The following MROH1 variants were observed in gnomAD, a reference collection of about 807,000 sequenced individuals.
MROH1 encodes the protein maestro heat-like repeat-containing protein family member 1.
In MROH1, 117 loss-of-function variants were observed where a neutral mutation model predicts 116.5. The observed-to-expected ratio is 1.00, with a 90% CI of 0.86 to 1.17. The LOEUF (loss-of-function observed/expected upper bound fraction) is 1.17, where lower values mean the gene tolerates loss of function less well. Ranked by LOEUF, MROH1 falls within the 50% of genes most tolerant of loss-of-function variation. The pLI is 0.00. For missense variants in MROH1, 1,873 were observed against 1,338.5 expected (o/e 1.40, Z -6.23); for synonymous variants, 921 against 583.9 (o/e 1.58, Z -8.32).
At chr8:144,206,760 C>T (rs911065144) in intron 12 of MROH1, among the ~76,000 whole-genome samples, 3 of 146,780 alleles carry the variant, frequency 2.0e-5, no homozygotes, top group East Asian at 2.3e-4. Context: ...TTGCCAGACA[C>T]GGTGGCTCAC....
intron 3 of MROH1, among the ~76,000 whole-genome samples, chr8:144,166,640 G>A (rs1820902942): frequency 6.6e-6 from 1 of 152,084 alleles, no homozygotes. Context: ...CGAGAGGCCC[G>A]GAATGGCACT....
chr8:144,218,691 TC>T (rs1835871049), intron 12 of MROH1, among the ~76,000 whole-genome samples: 3 of 48,198 alleles, frequency 6.2e-5, no homozygotes, highest in Admixed American at 2.2e-4. Context: ...CCCTCCCCTC[TC>T]TCCTCCCCTC....
chr8:144,227,172 C>A (rs1239809539), intron 14 of MROH1, among the ~76,000 whole-genome samples: 3 of 152,196 alleles, frequency 2.0e-5, no homozygotes, highest in Non-Finnish European at 4.4e-5. Context: ...CATAGAGCAT[C>A]ATGTCTTCTT....
At chr8:144,242,923 C>G (rs1433471806) in intron 24 of MROH1, among the ~76,000 whole-genome samples, 5 of 152,194 alleles carry the variant, frequency 3.3e-5, no homozygotes, top group African/African-American at 4.8e-5. Context: ...GGAACCTCCT[C>G]TGGCTCTGCT....
Position 144,250,241 on chromosome 8 carries a change from C to A in MROH1, c.3303C>A (p.Ser1101=). 1.3e-6 allele frequency: 1 copy of A among 768,366 alleles called. No homozygotes were observed. Among genetic ancestry groups the A allele is most frequent in the Admixed American group, 1.7e-5 (1 of 58,710 alleles). 47.6% of individuals were successfully genotyped at this position (768,366 alleles called of 1,614,324 possible). Residue 1101 remains serine, a synonymous_variant, in exon 33 of 44, where the codon TCC becomes TCA. Transcript: ENST00000326134. ...CCGAGATCGTGAGCGTCCTGCGCTC[C>A]AAGCTTCAGGAGGCCCAGGGAGAGC... ...KVPEIVSVLR[S]KLQEAQGEHV... is the part of the protein sequence containing the mutation.
chr8:144,217,551 G>T (rs142381824), intron 12 of MROH1, among the ~76,000 whole-genome samples: 1 of 152,136 alleles, frequency 6.6e-6, no homozygotes, highest in Non-Finnish European at 1.5e-5. Flanking sequence ...GCCCCTCCAC[G>T]GCAGTCACTG....
intron 4 of MROH1, among the ~76,000 whole-genome samples, chr8:144,170,420 A>G (rs575787198): frequency 1.5e-3 from 230 of 152,222 alleles, no homozygotes; most frequent in Admixed American, 2.7e-3. Flanking sequence ...CTTCCCAGGG[A>G]CTTTCCCTGC....
In MROH1 at chr8:144,168,315, G is replaced by T. The variant is rs1363208200; in HGVS notation, c.43G>T (p.Asp15Tyr). Residue 15 changes from aspartate (D) to tyrosine (Y), a missense_variant, in exon 4 of 44, where the codon GAC becomes TAC. Coordinates refer to ENST00000326134, the MANE Select transcript of MROH1 (RefSeq NM_032450.3). Reference protein sequence around the residue: ...SMKKLASTLLDAITDKDPLVQ... With the variant: ...SMKKLASTLLYAITDKDPLVQ... ...TGCAGAGCTGGCCTCCACCCTGCTG[G>T]ACGCCATCACCGATAAGGACCCCCT... 1 of 1,606,852 alleles carries T rather than the reference G, an allele frequency of 6.2e-7. No individual in the cohort carries two copies.
At position 144,180,895 on chromosome 8, in the gene MROH1, A is replaced by T. The variant is rs1825454954; in HGVS notation, c.562+372A>T. 1.3e-5 allele frequency among the ~76,000 whole-genome samples: 2 copies of T among 152,002 alleles called. No individual in the cohort carries two copies. Among genetic ancestry groups the T allele is most frequent in the South Asian group, 4.2e-4 (2 of 4,814 alleles). Reference sequence around the variant, plus strand: ...CCCAGGACCCAGGGGATGGGGGCACATTCATTCACCCCCACCCTCTGCCAG... The same window carrying T: ...CCCAGGACCCAGGGGATGGGGGCACTTTCATTCACCCCCACCCTCTGCCAG... On this transcript the variant is annotated intron_variant, in intron 7 of 43. Coordinates refer to ENST00000326134, the MANE Select transcript of MROH1 (RefSeq NM_032450.3). The surrounding 1 kb of genome is among the most constrained non-coding windows in gnomAD (Gnocchi z 7.4).
At position 144,258,484 on chromosome 8, in the gene MROH1, G is replaced by A. The variant is rs932344030; in HGVS notation, c.3792-293G>A. 2.2e-4 allele frequency among the ~76,000 whole-genome samples: 33 copies of A among 152,260 alleles called. No homozygotes were observed. The East Asian group carries it at 4.8e-3, about 22-fold the overall frequency. ...GTCTGGGTGTCCGGAAAGGAAGGCC[G>A]GTGCAGCCAGAGGGCTTTGCCTGTG... On this transcript the variant is annotated intron_variant, in intron 35 of 43. Coordinates refer to ENST00000326134, the MANE Select transcript of MROH1 (RefSeq NM_032450.3).
intron 12 of MROH1, among the ~76,000 whole-genome samples, chr8:144,209,820 C>T (rs1833691950): frequency 6.7e-6 from 1 of 148,632 alleles, no homozygotes; most frequent in African/African-American, 2.5e-5. Context: ...GTGAGAGGAT[C>T]ACCTGAGCCC....
intron 22 of MROH1, among the ~76,000 whole-genome samples, chr8:144,241,918 A>G (rs1841062428): frequency 6.6e-6 from 1 of 152,144 alleles, no homozygotes; most frequent in Non-Finnish European, 1.5e-5. Flanking sequence ...TGGTCCCTCT[A>G]TTTCCTGTCT....
Position 144,244,256 on chromosome 8 carries a change from G to A in MROH1, c.2590G>A (p.Ala864Thr). ...GCCAGCGCTGGACGAGCAGGCCCGG[G>A]CGGATGTGATCCATGGCTGCCTGCA... Reference protein sequence around the residue: ...VEPALDEQARADVIHGCLHSI... With the variant: ...VEPALDEQARTDVIHGCLHSI... The change falls in exon 27 of 44, where the codon GCG (alanine) becomes ACG (threonine). Residue 864 changes from alanine to threonine, a missense_variant. Coordinates refer to ENST00000326134, the MANE Select transcript of MROH1 (RefSeq NM_032450.3). 1 of 718,454 alleles carries A rather than the reference G, an allele frequency of 1.4e-6. No individual in the cohort carries two copies. The allele number at this position is 718,454 out of a possible 1,614,324, so 44.5% of individuals were successfully genotyped here.
At chr8:144,214,846 C>T (rs1834914240) in intron 12 of MROH1, among the ~76,000 whole-genome samples, 1 of 152,126 alleles carries the variant, frequency 6.6e-6, no homozygotes, top group South Asian at 2.1e-4. Context: ...ATCACAGGGT[C>T]CCACAATAGG....
At chr8:144,197,272 T>A (rs1216521403) in intron 10 of MROH1, among the ~76,000 whole-genome samples, 1 of 152,132 alleles carries the variant, frequency 6.6e-6, no homozygotes, top group African/African-American at 2.4e-5. Context: ...CTTCCAAGGC[T>A]GTTCATTCAT....
intron 14 of MROH1, among the ~76,000 whole-genome samples, chr8:144,234,714 C>T (rs1588397567): frequency 1.4e-5 from 2 of 147,046 alleles, no homozygotes; most frequent in East Asian, 4.0e-4. Context: ...AATGGGGTTT[C>T]ACCATGTTGG....
intron 10 of MROH1, among the ~76,000 whole-genome samples, chr8:144,198,461 A>G (rs933910993): frequency 1.3e-5 from 2 of 152,172 alleles, no homozygotes; most frequent in African/African-American, 4.8e-5. Context: ...CTCTGTACTC[A>G]GGCTGGAGTG....
rs1024461881 is a variant in MROH1 at position 144,259,293 on chromosome 8, C to T, written c.3983C>T (p.Ala1328Val). The T allele has an allele frequency of 4.2e-6, 3 of 714,972 alleles. No individual in the cohort carries two copies. Among genetic ancestry groups the T allele is most frequent in the African/African-American group, 1.7e-5 (1 of 57,170 alleles). The allele number at this position is 714,972 out of a possible 1,614,324, so 44.3% of individuals were successfully genotyped here. Residue 1328 changes from alanine to valine, a missense_variant, in exon 37 of 44, where the codon GCA (alanine) becomes GTA (valine). Coordinates refer to ENST00000326134, the MANE Select transcript of MROH1 (RefSeq NM_032450.3). ...CTCCCCCTGGTGCTGAAGACGCTGG[C>T]ATGCACACACAGCAGTGCGTATGAG... ...PRLPLVLKTL[A>V]CTHSSAYENQ...
At chr8:144,217,446 C>T (rs1200821549) in intron 12 of MROH1, among the ~76,000 whole-genome samples, 3 of 152,194 alleles carry the variant, frequency 2.0e-5, no homozygotes, top group Non-Finnish European at 2.9e-5. Context: ...CTCTGAAAGA[C>T]CCCAAAATCT....
Sources: gnomAD v4.1 joint callset for allele counts (sites outside exome capture counted in the v4.1 genomes callset) on GRCh38, gnomAD v4.1.1 for gene constraint, Gnocchi (gnomAD v3.1) non-coding constraint, MANE v1.5 for transcripts, NCBI Gene and HGNC (gene_info 2026-07-23, HGNC 2026-07-21) for gene names.